The following WARS1 variants were observed in gnomAD, a reference collection of about 807,000 sequenced individuals.
WARS1 encodes tryptophanyl-tRNA synthetase 1.
Under a neutral mutation model 47.8 loss-of-function variants are expected in WARS1, and 17 were observed. The ratio of observed to expected loss-of-function variants is 0.36; its 90% confidence interval spans 0.24 to 0.53. WARS1 has a LOEUF of 0.53. Ranked by LOEUF, WARS1 falls within the 20% of genes least tolerant of loss-of-function variation. The pLI, the probability that WARS1 is intolerant of heterozygous loss-of-function variation, is 0.91. For synonymous variants in WARS1, 208 were observed against 228.1 expected, an observed-to-expected ratio of 0.91 and a Z score of 0.79; for missense variants, 434 against 608.0, an observed-to-expected ratio of 0.71 and a Z score of 3.01.
chr14:100,343,215 TAA>T, intron 8 of WARS1, 58 bp downstream of exon 8: 1 of 1,426,912 alleles, frequency 7.0e-7, no homozygotes, highest in Non-Finnish European at 9.6e-7. Flanking sequence ...CGCTGAAGAG[TAA>T]GAGGAACCTG....
chr14:100,376,318 C>T, upstream of WARS1: 1 of 1,150,420 alleles, frequency 8.7e-7, no homozygotes, highest in Non-Finnish European at 1.1e-6. Flanking sequence ...TCCTGGGCGT[C>T]CGTGGAAACG....
intron 7 of WARS1, among the ~76,000 whole-genome samples, chr14:100,344,316 C>G (rs1203226762): frequency 6.6e-6 from 1 of 152,166 alleles, no homozygotes; most frequent in African/African-American, 2.4e-5. Context: ...AGCTCCTAAC[C>G]GCGAGTGATC....
chr14:100,363,180 A>T (rs927293268), intron 2 of WARS1, among the ~76,000 whole-genome samples: 7 of 152,292 alleles, frequency 4.6e-5, no homozygotes, highest in African/African-American at 1.7e-4. Context: ...TGCAGTCAAT[A>T]TCACTTAATA....
chr14:100,345,241 T>C (rs911971833), intron 7 of WARS1, among the ~76,000 whole-genome samples: 2 of 150,614 alleles, frequency 1.3e-5, no homozygotes, highest in African/African-American at 4.9e-5. Flanking sequence ...GCGGGAAAGG[T>C]GGGGAAAAGA....
chr14:100,361,872 T>C lies in WARS1; in HGVS notation c.149A>G (p.Tyr50Cys). Residue 50 changes from tyrosine (Y) to cysteine (C), a missense_variant, in exon 3 of 11, where the codon TAC becomes TGC. Physicochemically the swap from Tyr to Cys is radical, Grantham distance 194. Coordinates refer to ENST00000392882, the MANE Select transcript of WARS1 (RefSeq NM_004184.4). Reference protein sequence around the residue: ...VKMLVSLKMSYKAAAGEDYKA... With the variant: ...VKMLVSLKMSCKAAAGEDYKA... Reference sequence around the variant, plus strand: ...GTAATCCTCCCCCGCGGCAGCTTTGTAGCTCATTTTTAATGACACCAACAT... The same window carrying C: ...GTAATCCTCCCCCGCGGCAGCTTTGCAGCTCATTTTTAATGACACCAACAT... The C allele has an allele frequency of 6.2e-7, 1 of 1,614,178 alleles. No homozygotes were observed. Among genetic ancestry groups the C allele is most frequent in the Non-Finnish European group, 8.5e-7 (1 of 1,180,030 alleles).
chr14:100,364,563 T>C (rs903287676), intron 2 of WARS1, among the ~76,000 whole-genome samples: 2 of 152,370 alleles, frequency 1.3e-5, no homozygotes, highest in Admixed American at 6.5e-5. Context: ...CAGGGTCAGA[T>C]ACAAATGTAC....
At chr14:100,365,309 G>A (rs944184121) in intron 2 of WARS1, among the ~76,000 whole-genome samples, 4 of 152,096 alleles carry the variant, frequency 2.6e-5, no homozygotes, top group Non-Finnish European at 4.4e-5. Context: ...GCCGGGCGTG[G>A]TGGCTCACAC....
chr14:100,342,721 T>C, intron 8 of WARS1, 150 bp from the exon 9 acceptor site: 2 of 732,724 alleles, frequency 2.7e-6, no homozygotes, highest in Non-Finnish European at 2.2e-6. Context: ...TTTCCTTTTT[T>C]TTTTTTAAAT....
At chr14:100,363,957 A>G (rs966566410) in intron 2 of WARS1, among the ~76,000 whole-genome samples, 6 of 152,186 alleles carry the variant, frequency 3.9e-5, no homozygotes, top group African/African-American at 1.4e-4. Flanking sequence ...AAAGCCAGAC[A>G]CAAGACTGTA....
chr14:100,357,865 G>A (rs1463277133), intron 4 of WARS1, among the ~76,000 whole-genome samples: 1 of 152,136 alleles, frequency 6.6e-6, no homozygotes, highest in Non-Finnish European at 1.5e-5. Flanking sequence ...ATAAATCTAA[G>A]CAAAGAAGTG....
At chr14:100,348,520 C>T (rs1595427339) in intron 6 of WARS1, among the ~76,000 whole-genome samples, 1 of 152,204 alleles carries the variant, frequency 6.6e-6, no homozygotes, top group Non-Finnish European at 1.5e-5. Context: ...CCACTCAGCA[C>T]AATGGAAACA....
intron 2 of WARS1, 65 bp downstream of exon 2, chr14:100,369,022 G>A (rs1215903622): frequency 2.4e-6 from 3 of 1,242,560 alleles, no homozygotes; most frequent in East Asian, 2.7e-5. Context: ...TATTCTAGAG[G>A]AACACAACCC....
intron 6 of WARS1, among the ~76,000 whole-genome samples, chr14:100,350,356 C>T (rs1469896305): frequency 7.1e-6 from 1 of 140,844 alleles, no homozygotes; most frequent in African/African-American, 2.7e-5. Context: ...CATGCCACTG[C>T]TCTCCAGTTT....
At chr14:100,354,338 G>A (rs909530430) in intron 5 of WARS1, 109 bp downstream of exon 5, 2 of 1,478,718 alleles carry the variant, frequency 1.4e-6, no homozygotes, top group African/African-American at 2.8e-5. Flanking sequence ...TGACATCTTG[G>A]TTGCTCAGCA....
chr14:100,340,132 C>G (rs1894062890), intron 9 of WARS1: 1 of 152,230 alleles, frequency 6.6e-6, no homozygotes, highest in Non-Finnish European at 1.5e-5. Flanking sequence ...CAGGACCAGG[C>G]TGGCTCCTGG....
chr14:100,343,588 A>G (rs1595414614), intron 7 of WARS1, among the ~76,000 whole-genome samples: 1 of 151,964 alleles, frequency 6.6e-6, no homozygotes, highest in African/African-American at 2.4e-5. Flanking sequence ...ATTTTACTCT[A>G]TGCATTTTTG....
intron 1 of WARS1, 30 bp from the exon 2 acceptor site, chr14:100,369,288 G>C: frequency 1.3e-6 from 1 of 761,644 alleles, no homozygotes; most frequent in Non-Finnish European, 1.9e-6. Flanking sequence ...GGAGAGAGAG[G>C]AAAAACCAGA....
intron 7 of WARS1, 104 bp downstream of exon 7, chr14:100,346,642 G>A (rs1457133446): frequency 2.1e-6 from 2 of 963,108 alleles, no homozygotes; most frequent in African/African-American, 1.6e-5. Context: ...AGTTGCAAAC[G>A]CTAACATCTC....
At chr14:100,366,215 C>A (rs1192196142) in intron 2 of WARS1, 2 of 418,144 alleles carry the variant, frequency 4.8e-6, no homozygotes, top group Non-Finnish European at 9.6e-6. Flanking sequence ...TCCCACTCAG[C>A]CGTAGAACTC....
Sources: allele counts gnomAD v4.1 joint callset (sites outside exome capture counted in the v4.1 genomes callset), GRCh38; gene constraint gnomAD v4.1.1; transcripts MANE v1.5; gene names NCBI Gene and HGNC (gene_info 2026-07-23, HGNC 2026-07-21).